Variants in ZNF536 observed in about 807,000 individuals in gnomAD.
ZNF536 encodes zinc finger protein 536.
Under a neutral mutation model 84.5 loss-of-function variants are expected in ZNF536, and 13 were observed. That is an observed-to-expected ratio of 0.15 (90% CI 0.10 to 0.24). ZNF536 has a LOEUF of 0.24. Among genes scored for constraint, ZNF536 ranks in the 10% least tolerant of loss-of-function variants. ZNF536 has a pLI of 1.00. For missense variants in ZNF536, 1,536 were observed against 1,747.5 expected (o/e 0.88, Z 2.16); for synonymous variants, 811 against 742.5 (o/e 1.09, Z -1.50).
intron 1 of ZNF536, among the ~76,000 whole-genome samples, chr19:30,650,957 G>T (rs2049678771): frequency 6.6e-6 from 1 of 152,238 alleles, no homozygotes; most frequent in African/African-American, 2.4e-5. Flanking sequence ...CAATATTGAT[G>T]TCTAAAATAT....
At chr19:30,285,595 G>A (rs1480073684) in intron 2 of ZNF536, among the ~76,000 whole-genome samples, 1 of 152,190 alleles carries the variant, frequency 6.6e-6, no homozygotes, top group Non-Finnish European at 1.5e-5. Flanking sequence ...GTATAGCCGA[G>A]CCAGTGGAAG....
chr19:30,449,444 A>T (rs1427630868), intron 2 of ZNF536, among the ~76,000 whole-genome samples: 1 of 152,208 alleles, frequency 6.6e-6, no homozygotes, highest in East Asian at 1.9e-4. Flanking sequence ...CTGAGTCAGA[A>T]CACAACCAAA....
Position 30,576,756 on chromosome 19 carries a change from C to T in ZNF536, c.169+27242C>T, listed in dbSNP as rs147367308. ...TCTTCCTGCAAATCCACCTGGTCCA[C>T]GTGGGGACTGGAGGCTTTCTTGTCC... On this transcript the variant is annotated intron_variant, in intron 1 of 1. Coordinates refer to the ZNF536 transcript ENST00000592773. Among the ~76,000 whole-genome samples the T allele has an allele frequency of 1.8e-4, 27 of 152,316 alleles. 1 individual carries two copies. The highest frequency in any genetic ancestry group is 5.8e-4 in the African/African-American group (24 of 41,578).
intron 3 of ZNF536, among the ~76,000 whole-genome samples, chr19:30,364,712 C>T (rs1426402370): frequency 6.6e-6 from 1 of 152,120 alleles, no homozygotes; most frequent in African/African-American, 2.4e-5. Context: ...CAGGCCAGGG[C>T]ATGAACTGTA....
intron 2 of ZNF536, among the ~76,000 whole-genome samples, chr19:30,288,258 G>T (rs1256369343): frequency 2.6e-5 from 4 of 152,124 alleles, no homozygotes; most frequent in Non-Finnish European, 5.9e-5. Context: ...TCCGTCTCCT[G>T]GGCAAACCTC....
intron 1 of ZNF536, among the ~76,000 whole-genome samples, chr19:30,402,169 G>A (rs1001865871): frequency 4.6e-5 from 7 of 151,976 alleles, no homozygotes; most frequent in Non-Finnish European, 7.4e-5. Flanking sequence ...AAACACTTGC[G>A]AGTGTAAAGA....
intron 1 of ZNF536, among the ~76,000 whole-genome samples, chr19:30,435,548 T>C (rs986968390): frequency 6.6e-6 from 1 of 151,892 alleles, no homozygotes; most frequent in Non-Finnish European, 1.5e-5. Context: ...ATGATGATGG[T>C]GATAATGGTG....
chr19:30,267,886 G>GAC (rs527610187), intron 1 of ZNF536, among the ~76,000 whole-genome samples: 2,068 of 150,574 alleles, frequency 0.014, 18 homozygotes, highest in Middle Eastern at 0.034. Flanking sequence ...GTGTGACAGA[G>GAC]ACACACACAC....
At position 30,549,033 on chromosome 19, in the gene ZNF536, G is replaced by C. The variant is rs2146233324; in HGVS notation, c.3414G>C (p.Lys1138Asn). 6.2e-7 allele frequency: 1 copy of C among 1,614,176 alleles called. No individual in the cohort carries two copies. The highest frequency in any genetic ancestry group is 2.2e-5 in the East Asian group (1 of 44,866). ...SSCPNKEPDG[K>N]AHSEEDVPIL... is the part of the protein sequence containing the mutation. Reference sequence around the variant, plus strand: ...GCCCCAACAAGGAGCCTGATGGAAAGGCCCACTCTGAAGAGGATGTCCCCA... The same window carrying C: ...GCCCCAACAAGGAGCCTGATGGAAACGCCCACTCTGAAGAGGATGTCCCCA... The change falls in exon 4 of 5, where the codon AAG becomes AAC. Residue 1138 changes from lysine to asparagine, a missense_variant. Coordinates refer to ENST00000355537, the MANE Select transcript of ZNF536 (RefSeq NM_014717.3).
intron 2 of ZNF536, among the ~76,000 whole-genome samples, chr19:30,300,843 C>T (rs572844150): frequency 1.4e-5 from 2 of 146,978 alleles, no homozygotes; most frequent in Admixed American, 6.7e-5. Context: ...TAGTACTCTT[C>T]GACGCCTGAG....
chr19:30,303,784 T>C (rs1008807262), intron 2 of ZNF536, among the ~76,000 whole-genome samples: 1 of 152,132 alleles, frequency 6.6e-6, no homozygotes, highest in Non-Finnish European at 1.5e-5. Flanking sequence ...TGAGCCACCA[T>C]GCCCAGCCGA....
chr19:30,377,176 C>T (rs2048850552), intron 1 of ZNF536, among the ~76,000 whole-genome samples: 1 of 152,138 alleles, frequency 6.6e-6, no homozygotes, highest in South Asian at 2.1e-4. Flanking sequence ...CTGAAGGCCT[C>T]ATGAGGGCAG....
intron 1 of ZNF536, among the ~76,000 whole-genome samples, chr19:30,681,119 C>T (rs2050952453): frequency 6.6e-6 from 1 of 152,180 alleles, no homozygotes; most frequent in South Asian, 2.1e-4. Flanking sequence ...CTTTCCGAAC[C>T]CCAGGGGCAA....
chr19:30,258,394 TA>T (rs1389128287), intron 1 of ZNF536, among the ~76,000 whole-genome samples: 1 of 152,210 alleles, frequency 6.6e-6, no homozygotes, highest in African/African-American at 2.4e-5. Flanking sequence ...AGGCATGCTC[TA>T]ATCCTGGGGT....
At chr19:30,698,504 A>C (rs923857059) in intron 1 of ZNF536, among the ~76,000 whole-genome samples, 1 of 152,080 alleles carries the variant, frequency 6.6e-6, no homozygotes, top group Non-Finnish European at 1.5e-5. Context: ...ATACCATATT[A>C]CCTTAGGTGT....
intron 1 of ZNF536, among the ~76,000 whole-genome samples, chr19:30,579,134 A>G (rs1421341765): frequency 6.6e-6 from 1 of 152,234 alleles, no homozygotes; most frequent in African/African-American, 2.4e-5. Flanking sequence ...ACTTATAGCT[A>G]GAAAATCACT....
At chr19:30,381,425 C>T (rs1425311491) in intron 1 of ZNF536, among the ~76,000 whole-genome samples, 1 of 152,060 alleles carries the variant, frequency 6.6e-6, no homozygotes, top group Non-Finnish European at 1.5e-5. Flanking sequence ...GGACAGGGTG[C>T]CTCATTCAGA....
intron 1 of ZNF536, among the ~76,000 whole-genome samples, chr19:30,654,638 T>C (rs1249358763): frequency 6.6e-6 from 1 of 152,174 alleles, no homozygotes; most frequent in African/African-American, 2.4e-5. Flanking sequence ...TCTAGGTCTT[T>C]AGTTCTTTTA....
In ZNF536 at chr19:30,667,513, C is replaced by CA. The variant is rs2050377085; in HGVS notation, c.170-43244_170-43243insA. 2.7e-5 allele frequency among the ~76,000 whole-genome samples: 4 copies of CA among 150,798 alleles called. 2 individuals are homozygous for CA. In the South Asian group the frequency reaches 8.3e-4, roughly 31 times the overall value. On this transcript the variant is annotated intron_variant, in intron 1 of 1. Transcript: ENST00000592773. The stretch of plus-strand genomic sequence containing the variant: ...AGTGGGAAGGTGGGTGGTTAGGAGA[C>CA]CTGAAATGCCGAAGTGTCCCCAATG...
Sources: allele counts gnomAD v4.1 joint callset (sites outside exome capture counted in the v4.1 genomes callset), GRCh38; gene constraint gnomAD v4.1.1; transcripts MANE v1.5; gene names NCBI Gene and HGNC (gene_info 2026-07-23, HGNC 2026-07-21).